ULK4: variants seen among roughly 807,000 people sequenced by gnomAD.
ULK4 encodes inactive serine/threonine-protein kinase ULK4.
A neutral mutation model predicts 160.6 loss-of-function variants in ULK4; 133 were observed. The observed-to-expected ratio is 0.83, with a 90% CI of 0.72 to 0.96. ULK4 has a LOEUF of 0.96. Among genes scored for constraint, ULK4 ranks in the 40% least tolerant of loss-of-function variants. The pLI, the probability that ULK4 is intolerant of heterozygous loss-of-function variation, is 0.00. For missense variants in ULK4, 1,580 were observed against 1,499.5 expected, an observed-to-expected ratio of 1.05 and a Z score of -0.89; for synonymous variants, 534 against 539.8, an observed-to-expected ratio of 0.99 and a Z score of 0.15.
intron 19 of ULK4, among the ~76,000 whole-genome samples, chr3:41,817,840 C>T (rs2041021521): frequency 6.6e-6 from 1 of 152,028 alleles, no homozygotes; most frequent in Non-Finnish European, 1.5e-5. Flanking sequence ...CCAAATAACC[C>T]AATTTGAAAA....
At chr3:41,738,539 T>C (rs752874643) in intron 22 of ULK4, among the ~76,000 whole-genome samples, 8 of 151,886 alleles carry the variant, frequency 5.3e-5, no homozygotes, top group South Asian at 4.1e-4. Flanking sequence ...ATTAAGCTGG[T>C]TGGACCTCAG....
rs950864191 is a variant in ULK4 at position 41,249,356 on chromosome 3, C to T, written c.3764+133G>A. ...TCCCTTCCCACACTGGGAAGGATCT[C>T]AGTGGACAGTGATGGGCTGGAAGGT... On this transcript the variant is annotated intron_variant, in intron 36 of 36. Transcript: ENST00000301831. 3.9e-6 allele frequency: 3 copies of T among 777,896 alleles called. No homozygotes were observed. The East Asian group carries it at 8.6e-5, about 22-fold the overall frequency. The allele number at this position is 777,896 out of a possible 1,614,324, so 48.2% of individuals were successfully genotyped here. A position where few individuals can be genotyped will look rare whatever the true frequency, so the allele number is the denominator to read the frequency against.
intron 22 of ULK4, among the ~76,000 whole-genome samples, chr3:41,743,265 C>G (rs2125883025): frequency 6.6e-6 from 1 of 151,074 alleles, no homozygotes; most frequent in South Asian, 2.1e-4. Flanking sequence ...ACAGAAATAA[C>G]AGATTTGAAC....
At chr3:41,309,408 G>C (rs2080007682) in intron 35 of ULK4, among the ~76,000 whole-genome samples, 1 of 152,100 alleles carries the variant, frequency 6.6e-6, no homozygotes, top group Admixed American at 6.5e-5. Context: ...TGTGATCATT[G>C]CATACTACAA....
At chr3:41,702,617 T>C (rs917508345) in intron 27 of ULK4, among the ~76,000 whole-genome samples, 1 of 151,888 alleles carries the variant, frequency 6.6e-6, no homozygotes, top group Non-Finnish European at 1.5e-5. Context: ...GCAAAAAACA[T>C]TACTAGATAT....
chr3:41,490,759 T>G (rs186515885), intron 32 of ULK4, among the ~76,000 whole-genome samples: 1 of 152,196 alleles, frequency 6.6e-6, no homozygotes, highest in South Asian at 2.1e-4. Context: ...AAGGTATTCA[T>G]TGAATACTTT....
chr3:41,506,281 G>C (rs1296854757), intron 32 of ULK4, among the ~76,000 whole-genome samples: 1 of 152,154 alleles, frequency 6.6e-6, no homozygotes, highest in Non-Finnish European at 1.5e-5. Flanking sequence ...ATAAACCAAA[G>C]AGAAGGTGCA....
At chr3:41,431,561 T>TTTTTTTTTTTTTTTTTTTTG in intron 34 of ULK4, among the ~76,000 whole-genome samples, 1 of 142,522 alleles carries the variant, frequency 7.0e-6, no homozygotes, top group Non-Finnish European at 1.5e-5. Context: ...TTTTTTTTTT[T>TTTTTTTTTTTTTTTTTTTTG]TGATGTGGAA....
intron 35 of ULK4, among the ~76,000 whole-genome samples, chr3:41,366,736 TG>T (rs1364257133): frequency 6.6e-6 from 1 of 152,250 alleles, no homozygotes; most frequent in Non-Finnish European, 1.5e-5. Context: ...TGCTTTCATG[TG>T]GACAATGTGG....
chr3:41,851,011 C>G (rs12107296), intron 17 of ULK4, among the ~76,000 whole-genome samples: 48,267 of 152,044 alleles, frequency 0.32, 11,324 homozygotes, highest in African/African-American at 0.67. Context: ...ATACAATCAT[C>G]TCATCTGTAA....
chr3:41,418,234 CCTA>C (rs1046614427), intron 34 of ULK4, among the ~76,000 whole-genome samples: 5 of 151,770 alleles, frequency 3.3e-5, no homozygotes, highest in Non-Finnish European at 7.4e-5. Context: ...CTACTAATAG[CCTA>C]CTGTTGATTG....
chr3:41,341,614 A>G (rs1160289776), intron 35 of ULK4, among the ~76,000 whole-genome samples: 1 of 151,502 alleles, frequency 6.6e-6, no homozygotes, highest in Admixed American at 6.5e-5. Flanking sequence ...AAAGGTAAAG[A>G]CCAAGGGAAA....
chr3:41,726,582 C>T (rs1336041989), intron 22 of ULK4, among the ~76,000 whole-genome samples: 1 of 152,014 alleles, frequency 6.6e-6, no homozygotes, highest in Non-Finnish European at 1.5e-5. Context: ...AAATAAACTG[C>T]AAATAAACAA....
chr3:41,922,004 TC>T (rs1301173108), intron 5 of ULK4, among the ~76,000 whole-genome samples: 5 of 151,274 alleles, frequency 3.3e-5, no homozygotes, highest in African/African-American at 1.2e-4. Context: ...AAACAGAAAA[TC>T]AGCTAGGCAT....
intron 32 of ULK4, among the ~76,000 whole-genome samples, chr3:41,556,051 G>A (rs911211024): frequency 6.6e-6 from 1 of 152,052 alleles, no homozygotes; most frequent in African/African-American, 2.4e-5. Flanking sequence ...AAGAGAAAGA[G>A]GATCAGGAAA....
chr3:41,466,107 C>T (rs1559623484), intron 32 of ULK4, among the ~76,000 whole-genome samples: 1 of 152,058 alleles, frequency 6.6e-6, no homozygotes, highest in Non-Finnish European at 1.5e-5. Flanking sequence ...TATCTTTGGC[C>T]ACTAAGAGCT....
chr3:41,278,502 G>A (rs1220439045), intron 35 of ULK4, among the ~76,000 whole-genome samples: 3 of 152,156 alleles, frequency 2.0e-5, no homozygotes, highest in Non-Finnish European at 2.9e-5. Context: ...CAAGTGGGTC[G>A]CTGACCCCTG....
intron 30 of ULK4, among the ~76,000 whole-genome samples, chr3:41,660,766 G>A (rs1037510692): frequency 1.3e-5 from 2 of 152,106 alleles, no homozygotes; most frequent in Non-Finnish European, 2.9e-5. Flanking sequence ...TTCAAGAAAA[G>A]CCAAACAGAA....
At chr3:41,731,237 C>G (rs1251403081) in intron 22 of ULK4, among the ~76,000 whole-genome samples, 3 of 151,856 alleles carry the variant, frequency 2.0e-5, no homozygotes, top group African/African-American at 7.3e-5. Flanking sequence ...TCCAATTGTT[C>G]CTGCTTGCGA....
Sources: allele counts gnomAD v4.1 joint callset (sites outside exome capture counted in the v4.1 genomes callset), GRCh38; gene constraint gnomAD v4.1.1; transcripts MANE v1.5; gene names NCBI Gene and HGNC (gene_info 2026-07-23, HGNC 2026-07-21).